MIB1: variants seen among roughly 807,000 people sequenced by gnomAD.
MIB1 encodes MIB E3 ubiquitin protein ligase 1, also known as E3 ubiquitin-protein ligase MIB1.
MIB1 carries 278 observed loss-of-function variants against 124.5 expected under a neutral mutation model. The observed-to-expected ratio is 2.23, with a 90% CI of 2.02 to 2.47. The LOEUF is 2.47. MIB1 is among the 30% of genes most tolerant of loss of function. The pLI, the probability that MIB1 is intolerant of heterozygous loss-of-function variation, is 0.00. For missense variants in MIB1, 957 were observed against 1,254.4 expected (o/e 0.76, Z 3.58); for synonymous variants, 446 against 429.4 (o/e 1.04, Z -0.48).
At chr18:21,781,114 G>T (rs2041356575) in intron 6 of MIB1, among the ~76,000 whole-genome samples, 1 of 151,222 alleles carries the variant, frequency 6.6e-6, no homozygotes, top group African/African-American at 2.4e-5. Flanking sequence ...ATAGGGTCTT[G>T]CCATATTGCC....
chr18:21,798,252 T>G, intron 8 of MIB1, 24 bp downstream of exon 8: 1 of 1,610,640 alleles, frequency 6.2e-7, no homozygotes, highest in Non-Finnish European at 8.5e-7. Context: ...TGTGTTTCTT[T>G]AAGAGTAATG....
At position 21,819,720 on chromosome 18, in the gene MIB1, G is replaced by A; in HGVS notation, c.1829+74G>A. The A allele has an allele frequency of 2.8e-6, 3 of 1,071,820 alleles. No homozygotes were observed. The East Asian group carries it at 8.3e-5, about 30-fold the overall frequency. 66.4% of individuals were successfully genotyped at this position (1,071,820 alleles called of 1,614,324 possible). A position where few individuals can be genotyped will look rare whatever the true frequency, so the allele number is the denominator to read the frequency against. On this transcript the variant is annotated intron_variant, in intron 12 of 20. Transcript: ENST00000261537. ...CTGTTGATTCTCTTTTTCTGATACT[G>A]ATGAAGAAATAATTTTGGCTATTTT...
chr18:21,753,424 G>A (rs2040997331), intron 1 of MIB1, among the ~76,000 whole-genome samples: 1 of 152,068 alleles, frequency 6.6e-6, no homozygotes, highest in African/African-American at 2.4e-5. Context: ...CTGACCTCAA[G>A]TGATCCACCT....
intron 18 of MIB1, among the ~76,000 whole-genome samples, chr18:21,853,650 A>G (rs1472788847): frequency 1.3e-5 from 2 of 152,144 alleles, no homozygotes; most frequent in African/African-American, 4.8e-5. Context: ...TGGGGCTGTA[A>G]TTTCTGGCCT....
At chr18:21,707,319 GGACCAGTCAGCTCTCTGTAAAACA>G (rs1268510884) in intron 1 of MIB1, among the ~76,000 whole-genome samples, 27 of 152,066 alleles carry the variant, frequency 1.8e-4, no homozygotes, top group Non-Finnish European at 3.8e-4. Flanking sequence ...CTGTCAAAAC[GGACCAGTCAGCTCTCTGTAAAACA>G]GACCAGGCAG....
rs559576338 is a variant in MIB1, at chr18:21,846,270, G to A, written c.2212-674G>A. 9.9e-5 allele frequency among the ~76,000 whole-genome samples: 15 copies of A among 152,152 alleles called. No individual in the cohort carries two copies. In the South Asian group the frequency reaches 1.0e-3, roughly 11 times the overall value. ...GACCATGGGTAAGTTCTCTTAGCTC[G>A]GTGTGCCTCTTTTTTTCTCATTTTA... On this transcript the variant is annotated intron_variant, in intron 15 of 20. Transcript: ENST00000261537.
intron 1 of MIB1, among the ~76,000 whole-genome samples, chr18:21,714,186 A>C (rs757706829): frequency 7.2e-5 from 11 of 152,190 alleles, no homozygotes; most frequent in Non-Finnish European, 1.6e-4. Context: ...AAATCGCCCA[A>C]AGCCATCACT....
chr18:21,720,447 A>G (rs971005690), intron 1 of MIB1, among the ~76,000 whole-genome samples: 3 of 152,196 alleles, frequency 2.0e-5, no homozygotes, highest in Non-Finnish European at 2.9e-5. Context: ...GGAAAATTCT[A>G]TAGGTCAAAC....
At chr18:21,758,265 A>G (rs991118072) in intron 1 of MIB1, among the ~76,000 whole-genome samples, 1 of 152,198 alleles carries the variant, frequency 6.6e-6, no homozygotes, top group East Asian at 1.9e-4. Flanking sequence ...GACTTTACCA[A>G]CCAGCTGGCA....
chr18:21,854,730 C>T (rs549914224), intron 18 of MIB1: 23 of 173,160 alleles, frequency 1.3e-4, no homozygotes, highest in East Asian at 6.5e-4. Flanking sequence ...TTGGTCCTGT[C>T]GTGGATACAT....
intron 18 of MIB1, among the ~76,000 whole-genome samples, chr18:21,855,684 A>G (rs2042219957): frequency 6.6e-6 from 1 of 152,146 alleles, no homozygotes; most frequent in African/African-American, 2.4e-5. Context: ...ATGGCAAACT[A>G]TTAGGAGTGT....
chr18:21,848,479 T>TATA (rs2042153971), intron 16 of MIB1, among the ~76,000 whole-genome samples: 1 of 152,064 alleles, frequency 6.6e-6, no homozygotes, highest in Non-Finnish European at 1.5e-5. Flanking sequence ...AATATAAAGA[T>TATA]ATAAGGCACT....
intron 10 of MIB1, among the ~76,000 whole-genome samples, chr18:21,806,281 G>A (rs1355933222): frequency 2.6e-5 from 4 of 151,166 alleles, no homozygotes; most frequent in Non-Finnish European, 5.9e-5. Flanking sequence ...GCTCACTGCA[G>A]CCTTGAATTC....
At chr18:21,781,712 C>A (rs1411052511) in intron 6 of MIB1, among the ~76,000 whole-genome samples, 2 of 151,926 alleles carry the variant, frequency 1.3e-5, no homozygotes, top group African/African-American at 4.8e-5. Context: ...CGCCCCTGGC[C>A]AGGGTTGATA....
chr18:21,736,274 G>A (rs2040796609), upstream of MIB1, among the ~76,000 whole-genome samples: 1 of 152,230 alleles, frequency 6.6e-6, no homozygotes, highest in African/African-American at 2.4e-5. Context: ...CAGCAGACCT[G>A]CAGCAGAGGT....
In MIB1 at chr18:21,849,286, T is replaced by TA. The variant is rs1568226692; in HGVS notation, c.2485dup (p.Thr829AsnfsTer26). 1.2e-6 allele frequency: 2 copies of TA among 1,612,384 alleles called. No individual in the cohort carries two copies. The highest frequency in any genetic ancestry group is 1.1e-5 in the South Asian group (1 of 91,020). ...TGGTGTGCTCAGATATGAAGAGAGATACTCTTTTTGGTCCATGTGGACATA... is the reference window on the plus strand; with the variant it reads ...TGGTGTGCTCAGATATGAAGAGAGATAACTCTTTTTGGTCCATGTGGACATA... On this transcript the variant is annotated frameshift_variant, in exon 17 of 21. Transcript: ENST00000261537. LOFTEE classifies it high-confidence loss of function.
intron 13 of MIB1, among the ~76,000 whole-genome samples, chr18:21,840,791 A>G (rs1211304904): frequency 6.6e-6 from 1 of 151,290 alleles, no homozygotes; most frequent in African/African-American, 2.4e-5. Context: ...TGATGGCGCC[A>G]CTGCACTCCA....
chr18:21,802,137 T>C (rs931279327), intron 9 of MIB1, among the ~76,000 whole-genome samples: 13 of 152,156 alleles, frequency 8.5e-5, no homozygotes, highest in African/African-American at 2.9e-4. Flanking sequence ...TGAGAAGATA[T>C]AAGCCATTCT....
intron 1 of MIB1, among the ~76,000 whole-genome samples, chr18:21,709,944 G>A (rs1040927252): frequency 1.3e-5 from 2 of 152,236 alleles, no homozygotes; most frequent in Non-Finnish European, 2.9e-5. Flanking sequence ...TAGCAAATGA[G>A]TGGGGTTTGA....
Sources: allele counts gnomAD v4.1 joint callset (sites outside exome capture counted in the v4.1 genomes callset), GRCh38; gene constraint gnomAD v4.1.1; transcripts MANE v1.5; gene names NCBI Gene and HGNC (gene_info 2026-07-23, HGNC 2026-07-21).